TTC29: variants seen among roughly 807,000 people sequenced by gnomAD.
TTC29 encodes the protein tetratricopeptide repeat domain 29.
In TTC29, 49 loss-of-function variants were observed where a neutral mutation model predicts 58.1. The ratio of observed to expected loss-of-function variants is 0.84; its 90% CI spans 0.67 to 1.07. The LOEUF is 1.07. Ranked by LOEUF, TTC29 falls within the 50% of genes least tolerant of loss-of-function variation. TTC29 has a pLI of 0.00. For synonymous variants in TTC29, 209 were observed against 196.8 expected, an observed-to-expected ratio of 1.06 and a Z score of -0.52; for missense variants, 582 against 555.6, an observed-to-expected ratio of 1.05 and a Z score of -0.48.
intron 11 of TTC29, among the ~76,000 whole-genome samples, chr4:146,789,811 G>C (rs1749296341): frequency 1.3e-5 from 2 of 151,660 alleles, no homozygotes; most frequent in South Asian, 4.2e-4. Context: ...AAAGCCCACT[G>C]CTTTACAAGC....
At chr4:146,810,507 G>T (rs992242858) in intron 10 of TTC29, among the ~76,000 whole-genome samples, 2 of 151,554 alleles carry the variant, frequency 1.3e-5, no homozygotes, top group African/African-American at 4.8e-5. Flanking sequence ...GGGAATGAGT[G>T]AACCAATTCA....
At chr4:146,838,963 AGATG>A in intron 8 of TTC29, among the ~76,000 whole-genome samples, 1 of 152,148 alleles carries the variant, frequency 6.6e-6, no homozygotes, top group Middle Eastern at 3.4e-3. Context: ...TTTCCAAATT[AGATG>A]GAACTGTCCC....
intron 2 of TTC29, among the ~76,000 whole-genome samples, chr4:146,941,199 G>A (rs1342550774): frequency 1.3e-5 from 2 of 152,054 alleles, no homozygotes; most frequent in Admixed American, 6.6e-5. Flanking sequence ...AAAGGCCAGG[G>A]GCTCCTGATC....
At chr4:146,814,494 G>T (rs970566509) in intron 10 of TTC29, among the ~76,000 whole-genome samples, 1 of 152,018 alleles carries the variant, frequency 6.6e-6, no homozygotes, top group African/African-American at 2.4e-5. Context: ...TTGGGAGGCC[G>T]AAGTGGGCGG....
intron 11 of TTC29, among the ~76,000 whole-genome samples, chr4:146,719,547 A>G (rs1743203962): frequency 1.3e-5 from 2 of 152,166 alleles, no homozygotes; most frequent in Non-Finnish European, 2.9e-5. Context: ...AGACTGATTT[A>G]TTTGACTTTG....
chr4:146,940,736 C>T (rs1036387223), intron 2 of TTC29, among the ~76,000 whole-genome samples: 2 of 152,180 alleles, frequency 1.3e-5, no homozygotes, highest in African/African-American at 4.8e-5. Flanking sequence ...GCATGGACTC[C>T]CTCACATCAT....
intron 8 of TTC29, among the ~76,000 whole-genome samples, chr4:146,859,040 T>C (rs1337159807): frequency 6.6e-6 from 1 of 152,174 alleles, no homozygotes; most frequent in Admixed American, 6.6e-5. Context: ...AGCACCTATA[T>C]GCATTCCAGG....
intron 2 of TTC29, 44 bp from the exon 3 acceptor site, chr4:146,939,945 C>A (rs1736219267): frequency 1.3e-6 from 2 of 1,536,226 alleles, no homozygotes; most frequent in African/African-American, 1.4e-5. Flanking sequence ...AGGAATAAAT[C>A]TTTCAAAGGA....
At chr4:146,857,778 T>TG (rs5862777) in intron 8 of TTC29, among the ~76,000 whole-genome samples, 101,132 of 151,960 alleles carry the variant, frequency 0.67, 35,907 homozygotes, top group African/African-American at 0.92. Flanking sequence ...TGAGTAGCTC[T>TG]ATGTTTAAAG....
intron 11 of TTC29, among the ~76,000 whole-genome samples, chr4:146,744,329 C>A (rs1745380806): frequency 6.6e-6 from 1 of 151,106 alleles, no homozygotes; most frequent in African/African-American, 2.4e-5. Flanking sequence ...GCCAGGAGTT[C>A]CAGATCAGCC....
chr4:146,878,832 T>C (rs1026677307), intron 6 of TTC29, among the ~76,000 whole-genome samples: 1 of 152,176 alleles, frequency 6.6e-6, no homozygotes, highest in Non-Finnish European at 1.5e-5. Flanking sequence ...GAAACTGTTA[T>C]ATAACCAGCT....
rs191471242 is a variant in TTC29 at position 146,713,527 on chromosome 4, A to G, written c.1331-5976T>C. ...TTGAAGTAGAAATCATGATGTGGTA[A>G]TTCTATATCTGATGAGTAAAATAAT... On this transcript the variant is annotated intron_variant, in intron 11 of 12. Coordinates refer to ENST00000325106, the MANE Select transcript of TTC29 (RefSeq NM_031956.4). Among the ~76,000 whole-genome samples the G allele has an allele frequency of 2.3e-3, 343 of 152,252 alleles. 2 individuals carry two copies. The highest frequency in any genetic ancestry group is 7.9e-3 in the African/African-American group (327 of 41,568).
intron 8 of TTC29, among the ~76,000 whole-genome samples, chr4:146,837,673 G>A (rs77495600): frequency 0.03 from 4,611 of 152,000 alleles, 237 homozygotes; most frequent in African/African-American, 0.1. Flanking sequence ...ATACAGTGTG[G>A]CAATCTGAGG....
At chr4:146,714,640 C>A (rs1317671442) in intron 11 of TTC29, among the ~76,000 whole-genome samples, 1 of 151,408 alleles carries the variant, frequency 6.6e-6, no homozygotes, top group Non-Finnish European at 1.5e-5. Flanking sequence ...GACATACCCA[C>A]TGAAAATATC....
chr4:146,707,871 C>T (rs1052065294), intron 11 of TTC29, among the ~76,000 whole-genome samples: 4 of 152,114 alleles, frequency 2.6e-5, no homozygotes, highest in African/African-American at 4.8e-5. Flanking sequence ...AGTTCTGGGG[C>T]TAGGTCCATA....
At chr4:146,894,040 G>C (rs1221942090) in intron 6 of TTC29, among the ~76,000 whole-genome samples, 2 of 152,174 alleles carry the variant, frequency 1.3e-5, no homozygotes, top group African/African-American at 4.8e-5. Context: ...ACAGGTGCTG[G>C]AGAGGATGTG....
chr4:146,886,719 A>G (rs542801538), intron 6 of TTC29, among the ~76,000 whole-genome samples: 3 of 152,312 alleles, frequency 2.0e-5, no homozygotes, highest in African/African-American at 7.2e-5. Flanking sequence ...TAAGACAAGA[A>G]CAAAAAACTC....
intron 10 of TTC29, among the ~76,000 whole-genome samples, chr4:146,819,227 G>A (rs554971084): frequency 3.9e-5 from 6 of 152,056 alleles, no homozygotes; most frequent in Non-Finnish European, 8.8e-5. Context: ...TATGAGGTGA[G>A]AAAACCGAGG....
chr4:146,762,145 A>C (rs1171269951), intron 11 of TTC29, among the ~76,000 whole-genome samples: 1 of 151,792 alleles, frequency 6.6e-6, no homozygotes, highest in Non-Finnish European at 1.5e-5. Context: ...TGACTGCTTG[A>C]AAAATAGAAC....
Sources: gnomAD v4.1 joint callset for allele counts (sites outside exome capture counted in the v4.1 genomes callset) on GRCh38, gnomAD v4.1.1 for gene constraint, MANE v1.5 for transcripts, NCBI Gene and HGNC (gene_info 2026-07-23, HGNC 2026-07-21) for gene names.